Variants in CIROP observed in about 807,000 individuals in gnomAD.
CIROP encodes leishmanolysin homolog.
At chr14:23,101,919 A>G in the CIROP span, 1 of 701,834 alleles carries the variant, frequency 1.4e-6, no homozygotes, top group African/African-American at 1.7e-5. Flanking sequence ...ATCCTGCTTG[A>G]CAGATGAGAA....
chr14:23,104,774 G>A, the CIROP span: 1 of 702,990 alleles, frequency 1.4e-6, no homozygotes, highest in Non-Finnish European at 2.6e-6. Flanking sequence ...GGGTGAGGGA[G>A]GAAGAGCGAG....
the CIROP span, chr14:23,101,610 T>G: frequency 1.4e-6 from 1 of 702,556 alleles, no homozygotes; most frequent in South Asian, 1.5e-5. Context: ...CTGATGCCTT[T>G]GAAGTTGACT....
chr14:23,102,865 G>A, the CIROP span: 1 of 622,524 alleles, frequency 1.6e-6, no homozygotes, highest in South Asian at 1.9e-5. Context: ...GGGAAACTGA[G>A]TAACCTGGCC....
chr14:23,100,594 A>C, the CIROP span: 1 of 402,970 alleles, frequency 2.5e-6, no homozygotes. Context: ...GCAGTGTAGC[A>C]ACTGAAGGCC....
the CIROP span, chr14:23,101,472 G>A: frequency 1.5e-5 from 9 of 607,622 alleles, no homozygotes. Context: ...AAGTGAGGTT[G>A]GCAAAGAAGC....
the CIROP span, chr14:23,104,652 C>G: frequency 1.4e-6 from 1 of 702,958 alleles, no homozygotes; most frequent in Non-Finnish European, 2.6e-6. Context: ...GGCCAGGGCT[C>G]GGGATCCCCC....
chr14:23,104,953 G>T, the CIROP span: 1 of 663,934 alleles, frequency 1.5e-6, no homozygotes, highest in South Asian at 1.6e-5. Context: ...GATACAGCCT[G>T]GATCCTGTCT....
At chr14:23,102,490 C>T in the CIROP span, 1 of 700,464 alleles carries the variant, frequency 1.4e-6, no homozygotes, top group Admixed American at 2.0e-5. Flanking sequence ...TTCTCTCTAA[C>T]TGCAGAAAGG....
At chr14:23,102,670 T>C in the CIROP span, 1 of 702,916 alleles carries the variant, frequency 1.4e-6, no homozygotes, top group African/African-American at 1.7e-5. Flanking sequence ...CTTGAAGAGC[T>C]GTCCAGAGAA....
At chr14:23,101,307 A>G in the CIROP span, 5 of 509,024 alleles carry the variant, frequency 9.8e-6, no homozygotes, top group Admixed American at 1.1e-4. Context: ...TAACCTTTCC[A>G]GGAAGGCATG....
At chr14:23,103,963 C>A in the CIROP span, 1 of 591,142 alleles carries the variant, frequency 1.7e-6, no homozygotes, top group Non-Finnish European at 3.0e-6. Context: ...CCTTCACCCC[C>A]AGTCTCTGAT....
At chr14:23,104,857 G>T in the CIROP span, 1 of 700,982 alleles carries the variant, frequency 1.4e-6, no homozygotes, top group Non-Finnish European at 2.6e-6. Flanking sequence ...TGTAGACATC[G>T]GCTTGCAGCA....
At chr14:23,102,186 G>T in the CIROP span, 5 of 702,870 alleles carry the variant, frequency 7.1e-6, no homozygotes, top group Non-Finnish European at 1.3e-5. Context: ...CGAGTCGAGT[G>T]CGCTGGGCTC....
At chr14:23,099,775 T>C in the CIROP span, 2 of 239,872 alleles carry the variant, frequency 8.3e-6, no homozygotes, top group Non-Finnish European at 1.7e-5. Flanking sequence ...CCCCGCCTCA[T>C]CCAAGCATTA....
At chr14:23,103,153 A>T in the CIROP span, 1 of 447,950 alleles carries the variant, frequency 2.2e-6, no homozygotes, top group African/African-American at 2.0e-5. Flanking sequence ...ACTCTGCAGA[A>T]CTCTGCAGGA....
At chr14:23,101,033 C>T in the CIROP span, 1 of 399,290 alleles carries the variant, frequency 2.5e-6, no homozygotes, top group African/African-American at 2.1e-5. Flanking sequence ...ATTAGTCTGA[C>T]ACAGCCGACC....
the CIROP span, chr14:23,104,459 G>A: frequency 1.4e-6 from 1 of 702,974 alleles, no homozygotes; most frequent in Non-Finnish European, 2.6e-6. Flanking sequence ...TCAGAAGCAG[G>A]GGTCCTTGCA....
the CIROP span, chr14:23,101,418 G>A: frequency 3.4e-6 from 2 of 594,352 alleles, no homozygotes; most frequent in Non-Finnish European, 6.0e-6. Flanking sequence ...TGAGGTGTGG[G>A]GTAAGAGAAG....
the CIROP span, chr14:23,102,287 C>T: frequency 1.4e-6 from 1 of 702,508 alleles, no homozygotes; most frequent in Non-Finnish European, 2.6e-6. Context: ...TGGCAGATGG[C>T]TGGTTGTTAG....
Sources: allele counts gnomAD v4.1 joint callset, GRCh38; gene constraint gnomAD v4.1.1; transcripts MANE v1.5; gene names NCBI Gene and HGNC (gene_info 2026-07-23, HGNC 2026-07-21).